The following ERP27 variants were observed in gnomAD, a reference collection of about 807,000 sequenced individuals.
ERP27 encodes the protein endoplasmic reticulum protein 27.
Under a neutral mutation model 27.7 loss-of-function variants are expected in ERP27, and 23 were observed. The ratio of observed to expected loss-of-function variants is 0.83; its 90% CI spans 0.60 to 1.18. The LOEUF (loss-of-function observed/expected upper bound fraction) is 1.18. ERP27 is among the 50% of genes most tolerant of loss of function. The probability of loss-of-function intolerance (pLI) is 0.00; values close to 1 mark genes in which losing one functional copy is unlikely to be tolerated. For missense variants in ERP27, 363 were observed against 327.9 expected (o/e 1.11, Z -0.83); for synonymous variants, 159 against 118.3 (o/e 1.34, Z -2.23).
intron 3 of ERP27, chr12:14,928,852 T>G: frequency 7.7e-7 from 1 of 1,301,338 alleles, no homozygotes; most frequent in South Asian, 1.3e-5. Flanking sequence ...CCCCTTCCCT[T>G]GCCCATATCA....
intron 2 of ERP27, 33 bp from the exon 3 acceptor site, chr12:14,935,026 G>C: frequency 1.2e-6 from 2 of 1,604,286 alleles, no homozygotes; most frequent in Non-Finnish European, 1.7e-6. Context: ...TACCACAGTG[G>C]TTATTTCGAA....
At position 14,921,112 on chromosome 12, in the gene ERP27, T is replaced by C. The variant is rs1000801089; in HGVS notation, c.334-64A>G. On this transcript the variant is annotated intron_variant, in intron 3 of 6. Transcript: ENST00000266397. ...TTTTTTTCATGTATTGATAAACGTCTTTAGACCCCCATGTGACAGGCACTG... is the reference window on the plus strand; with the variant it reads ...TTTTTTTCATGTATTGATAAACGTCCTTAGACCCCCATGTGACAGGCACTG... 4.5e-6 allele frequency: 6 copies of C among 1,335,358 alleles called. No homozygotes were observed. The Admixed American group carries it at 1.0e-4, about 23-fold the overall frequency. The allele number at this position is 1,335,358 out of a possible 1,614,324, so 82.7% of individuals were successfully genotyped here. A position where few individuals can be genotyped will look rare whatever the true frequency, so the allele number is the denominator to read the frequency against.
In ERP27 at chr12:14,938,416, T is replaced by A. The variant is rs780592707; in HGVS notation, c.93A>T (p.Ser31=). The A allele has an allele frequency of 6.2e-7, 1 of 1,614,146 alleles. No homozygotes were observed. Among genetic ancestry groups the A allele is most frequent in the Non-Finnish European group, 8.5e-7 (1 of 1,179,978 alleles). ...AEVAAEVEKS[S]DGPGAAQEPT... is the part of the protein sequence containing the mutation. ...CACCCAACTACATTTTTCTTTTACC[T>A]GAGGATTTCTCAACTTCTGCAGCAA... The change falls in exon 1 of 7, where the codon TCA becomes TCT. Residue 31 remains serine, a splice_region_variant and synonymous_variant. Coordinates refer to ENST00000266397, the MANE Select transcript of ERP27 (RefSeq NM_152321.4).
At chr12:14,931,675 G>A (rs546598979) in intron 3 of ERP27, among the ~76,000 whole-genome samples, 2 of 152,280 alleles carry the variant, frequency 1.3e-5, no homozygotes, top group African/African-American at 2.4e-5. Flanking sequence ...GAAGCTTTAT[G>A]AGGAATAAAT....
Position 14,937,047 on chromosome 12 carries a change from C to T in ERP27, c.195+905G>A, listed in dbSNP as rs141911667. 4.5e-3 allele frequency among the ~76,000 whole-genome samples: 678 copies of T among 152,262 alleles called. 4 individuals carry two copies. The highest frequency in any genetic ancestry group is 0.016 in the African/African-American group (658 of 41,556). ...TGGAGGATAAAATGATGGCATCTGGCGGCTGTTTAAGTTATTGCACACTCC... is the reference window on the plus strand; with the variant it reads ...TGGAGGATAAAATGATGGCATCTGGTGGCTGTTTAAGTTATTGCACACTCC... On this transcript the variant is annotated intron_variant, in intron 2 of 6. Transcript: ENST00000266397.
intron 3 of ERP27, among the ~76,000 whole-genome samples, chr12:14,923,022 C>A (rs997051855): frequency 6.7e-6 from 1 of 148,414 alleles, no homozygotes; most frequent in Non-Finnish European, 1.5e-5. Context: ...TGCAGTGAGC[C>A]GAGAACGTGC....
intron 3 of ERP27, among the ~76,000 whole-genome samples, chr12:14,931,818 G>C (rs1000414203): frequency 6.6e-6 from 1 of 151,964 alleles, no homozygotes; most frequent in South Asian, 2.1e-4. Context: ...TTATAAGACC[G>C]ACAAACGAAA....
chr12:14,937,857 A>G (rs1039270043), intron 2 of ERP27, 95 bp downstream of exon 2: 3 of 977,088 alleles, frequency 3.1e-6, no homozygotes, highest in Non-Finnish European at 4.8e-6. Context: ...CCCCACTTCT[A>G]ATGCAGTGCC....
chr12:14,919,824 A>G (rs1349329298), intron 4 of ERP27, among the ~76,000 whole-genome samples: 2 of 152,244 alleles, frequency 1.3e-5, no homozygotes, highest in Non-Finnish European at 2.9e-5. Flanking sequence ...TGCATCAGTT[A>G]CATTTTGTCC....
At chr12:14,932,397 G>C in intron 3 of ERP27, among the ~76,000 whole-genome samples, 1 of 152,112 alleles carries the variant, frequency 6.6e-6, no homozygotes, top group East Asian at 1.9e-4. Context: ...AGGTGAAAGG[G>C]GACCCTTGGC....
chr12:14,934,327 T>C (rs892755749), intron 3 of ERP27, among the ~76,000 whole-genome samples: 3 of 152,202 alleles, frequency 2.0e-5, no homozygotes, highest in Non-Finnish European at 1.5e-5. Context: ...AGTGATTCTC[T>C]TTTTATTATA....
At chr12:14,918,458 C>T (rs1276725649) in intron 4 of ERP27, among the ~76,000 whole-genome samples, 2 of 152,188 alleles carry the variant, frequency 1.3e-5, no homozygotes, top group Non-Finnish European at 2.9e-5. Context: ...AGCCACCAGT[C>T]AGACAGAGGA....
chr12:14,931,317 C>T (rs1293508817), intron 3 of ERP27, among the ~76,000 whole-genome samples: 2 of 145,556 alleles, frequency 1.4e-5, no homozygotes, highest in African/African-American at 5.1e-5. Flanking sequence ...AATAGGTTCA[C>T]GTTTCCCAGT....
chr12:14,921,408 G>C (rs572019777), intron 3 of ERP27, among the ~76,000 whole-genome samples: 1 of 152,328 alleles, frequency 6.6e-6, no homozygotes, highest in Admixed American at 6.5e-5. Flanking sequence ...AATACTGTGA[G>C]ATGTGAGAGG....
At chr12:14,938,143 A>G in intron 1 of ERP27, 91 bp from the exon 2 acceptor site, 1 of 1,053,094 alleles carries the variant, frequency 9.5e-7, no homozygotes. Context: ...TCTCTATACT[A>G]AGGGCAAGAA....
At chr12:14,918,655 G>T (rs1863451851) in intron 4 of ERP27, among the ~76,000 whole-genome samples, 1 of 152,202 alleles carries the variant, frequency 6.6e-6, no homozygotes, top group African/African-American at 2.4e-5. Context: ...TTTGGTCAGA[G>T]TCTTAGGAGG....
intron 3 of ERP27, among the ~76,000 whole-genome samples, chr12:14,933,235 G>C (rs1242704170): frequency 6.6e-6 from 1 of 152,170 alleles, no homozygotes; most frequent in African/African-American, 2.4e-5. Context: ...GACCCAGACT[G>C]TAAAAAGTGT....
At chr12:14,937,181 C>T (rs1381237778) in intron 2 of ERP27, among the ~76,000 whole-genome samples, 1 of 152,214 alleles carries the variant, frequency 6.6e-6, no homozygotes, top group Non-Finnish European at 1.5e-5. Flanking sequence ...CCCTGACTTG[C>T]ATCTCATTGC....
intron 5 of ERP27, 142 bp from the exon 6 acceptor site, chr12:14,915,828 T>A: frequency 1.3e-6 from 1 of 757,152 alleles, no homozygotes; most frequent in Non-Finnish European, 2.1e-6. Context: ...TAAAATAAAT[T>A]ATTGCAGCTG....
Sources: gnomAD v4.1 joint callset for allele counts (sites outside exome capture counted in the v4.1 genomes callset) on GRCh38, gnomAD v4.1.1 for gene constraint, MANE v1.5 for transcripts, NCBI Gene and HGNC (gene_info 2026-07-23, HGNC 2026-07-21) for gene names.